Variants in MAGI2 observed in about 807,000 individuals in gnomAD.
MAGI2 encodes membrane-associated guanylate kinase, WW and PDZ domain-containing protein 2.
MAGI2 carries 35 observed loss-of-function variants against 133.3 expected under a neutral mutation model. That is an observed-to-expected ratio of 0.26 (90% CI 0.20 to 0.35). MAGI2 has a LOEUF of 0.35. Among genes scored for constraint, MAGI2 ranks in the 10% least tolerant of loss-of-function variants. The pLI, the probability that MAGI2 is intolerant of heterozygous loss-of-function variation, is 1.00. For synonymous variants in MAGI2, 729 were observed against 710.6 expected (o/e 1.03, Z -0.41); for missense variants, 1,636 against 1,863.4 (o/e 0.88, Z 2.25).
chr7:78,534,945 C>A (rs1274928880), intron 3 of MAGI2, among the ~76,000 whole-genome samples: 2 of 152,012 alleles, frequency 1.3e-5, no homozygotes, highest in Non-Finnish European at 1.5e-5. Context: ...CCAGCCTGGC[C>A]AAGATGGTGA....
chr7:78,914,090 G>C (rs114611233), intron 2 of MAGI2, among the ~76,000 whole-genome samples: 2 of 152,252 alleles, frequency 1.3e-5, no homozygotes, highest in African/African-American at 4.8e-5. Flanking sequence ...GCTAATAAAA[G>C]TTCAAATTAC....
At chr7:79,422,767 C>T (rs564200340) in intron 1 of MAGI2, among the ~76,000 whole-genome samples, 41 of 151,960 alleles carry the variant, frequency 2.7e-4, no homozygotes, top group African/African-American at 5.8e-4. Context: ...AAACACAGCC[C>T]GACTCTGGGA....
chr7:78,314,165 C>A (rs1787166205), intron 9 of MAGI2, among the ~76,000 whole-genome samples: 1 of 152,096 alleles, frequency 6.6e-6, no homozygotes, highest in Non-Finnish European at 1.5e-5. Context: ...ACTCACACTG[C>A]ATTAAATGGC....
At chr7:78,396,641 T>C (rs1796372604) in intron 6 of MAGI2, among the ~76,000 whole-genome samples, 1 of 152,208 alleles carries the variant, frequency 6.6e-6, no homozygotes, top group Admixed American at 6.6e-5. Context: ...CTATTTATTT[T>C]CTGGTTTTCT....
intron 2 of MAGI2, among the ~76,000 whole-genome samples, chr7:78,733,259 G>A (rs531081039): frequency 1.5e-4 from 23 of 152,166 alleles, no homozygotes; most frequent in East Asian, 9.7e-4. Context: ...GCAAAATATC[G>A]TAGAATATAT....
chr7:78,270,051 G>A (rs1794409673), intron 9 of MAGI2, among the ~76,000 whole-genome samples: 1 of 152,106 alleles, frequency 6.6e-6, no homozygotes. Context: ...GTTTTTGTCA[G>A]GTTTGTCAGA....
At chr7:78,195,712 A>G (rs1828665059) in intron 11 of MAGI2, among the ~76,000 whole-genome samples, 1 of 152,176 alleles carries the variant, frequency 6.6e-6, no homozygotes, top group African/African-American at 2.4e-5. Flanking sequence ...AGACCTGCAG[A>G]GTACTTCCCA....
chr7:79,206,281 TA>T (rs1441664912), intron 1 of MAGI2, among the ~76,000 whole-genome samples: 3 of 151,038 alleles, frequency 2.0e-5, no homozygotes. Flanking sequence ...GAAAAATTAA[TA>T]AAACTGAGTT....
chr7:78,177,627 C>T (rs1380274512), intron 14 of MAGI2, among the ~76,000 whole-genome samples: 1 of 152,158 alleles, frequency 6.6e-6, no homozygotes, highest in African/African-American at 2.4e-5. Flanking sequence ...TGTGTTTTAT[C>T]TCCTTTGCTG....
chr7:79,400,215 A>T (rs1453397207), intron 1 of MAGI2, among the ~76,000 whole-genome samples: 1 of 152,174 alleles, frequency 6.6e-6, no homozygotes, highest in Non-Finnish European at 1.5e-5. Context: ...TATGTTACCA[A>T]TATGTGTAGT....
At chr7:78,356,345 G>A (rs1385603681) in intron 7 of MAGI2, among the ~76,000 whole-genome samples, 4 of 152,160 alleles carry the variant, frequency 2.6e-5, no homozygotes, top group Admixed American at 2.6e-4. Flanking sequence ...AAGAAGAAAT[G>A]GAGGGAGTTG....
intron 2 of MAGI2, among the ~76,000 whole-genome samples, chr7:78,731,062 A>ATGTTCTACATGTTCTAC: frequency 6.6e-6 from 1 of 152,224 alleles, no homozygotes; most frequent in South Asian, 2.1e-4. Context: ...AGCTCCTTAC[A>ATGTTCTACATGTTCTAC]ATGTTCTACA....
At chr7:78,438,435 G>A (rs562051968) in intron 6 of MAGI2, among the ~76,000 whole-genome samples, 2 of 152,274 alleles carry the variant, frequency 1.3e-5, no homozygotes, top group South Asian at 4.1e-4. Context: ...TCTGGTACGA[G>A]TTCCCTGGCT....
chr7:79,139,492 T>A (rs1215943549), intron 1 of MAGI2, among the ~76,000 whole-genome samples: 1 of 152,204 alleles, frequency 6.6e-6, no homozygotes, highest in Non-Finnish European at 1.5e-5. Context: ...AGCCAATGTC[T>A]GAAGGATCCC....
intron 9 of MAGI2, among the ~76,000 whole-genome samples, chr7:78,263,389 A>G (rs1235655259): frequency 2.6e-5 from 4 of 152,058 alleles, no homozygotes; most frequent in Non-Finnish European, 5.9e-5. Flanking sequence ...TTTTTCTACT[A>G]CTACTACCCA....
In MAGI2 at chr7:78,019,210, G is replaced by C; in HGVS notation, c.*105C>G. 7.4e-7 allele frequency: 1 copy of C among 1,345,162 alleles called. No homozygotes were observed. Among genetic ancestry groups the C allele is most frequent in the South Asian group, 1.3e-5 (1 of 76,902 alleles). 83.3% of individuals were successfully genotyped at this position (1,345,162 alleles called of 1,614,324 possible). A position where few individuals can be genotyped will look rare whatever the true frequency, so the allele number is the denominator to read the frequency against. On this transcript the variant is annotated 3_prime_UTR_variant, in exon 22 of 22. Coordinates refer to ENST00000354212, the MANE Select transcript of MAGI2 (RefSeq NM_012301.4). ...CGATGCTCCCAGGCCTTGGTGCCTC[G>C]TGGATCTATGCGTGTGACAGTGAAA... is the stretch of plus-strand genomic sequence containing the variant.
rs1583910353 is a variant in MAGI2 at position 78,792,811 on chromosome 7, C to A, written c.419-165572G>T. Among the ~76,000 whole-genome samples, 3 of 152,304 alleles carry A rather than the reference C, an allele frequency of 2.0e-5. No homozygotes were observed. The South Asian group carries it at 6.2e-4, about 32-fold the overall frequency. On this transcript the variant is annotated intron_variant, in intron 2 of 21. Coordinates refer to ENST00000354212, the MANE Select transcript of MAGI2 (RefSeq NM_012301.4). ...TACAACCACCCTGTAGGTCTGTAGG[C>A]ATGAATAACAAAGCAGACTAAATGA...
intron 20 of MAGI2, among the ~76,000 whole-genome samples, chr7:78,109,377 A>G (rs1819115348): frequency 6.7e-6 from 1 of 149,030 alleles, no homozygotes. Flanking sequence ...TCACGCCTGT[A>G]ATCCCAGCAC....
intron 13 of MAGI2, 174 bp downstream of exon 13, chr7:78,185,455 A>G (rs908777799): frequency 2.3e-6 from 1 of 442,036 alleles, no homozygotes; most frequent in African/African-American, 2.0e-5. Flanking sequence ...GTTGGCAGGC[A>G]TTTAGGCTCA....
Sources: allele counts gnomAD v4.1 joint callset (sites outside exome capture counted in the v4.1 genomes callset), GRCh38; gene constraint gnomAD v4.1.1; transcripts MANE v1.5; gene names NCBI Gene and HGNC (gene_info 2026-07-23, HGNC 2026-07-21).